UNC13C: variants seen among roughly 807,000 people sequenced by gnomAD.
The protein encoded by UNC13C is unc-13 homolog C.
In UNC13C, 174 loss-of-function variants were observed where a neutral mutation model predicts 245.4. That is an observed-to-expected ratio of 0.71 (90% CI 0.63 to 0.80). UNC13C has a LOEUF of 0.80. Ranked by LOEUF, UNC13C falls within the 30% of genes least tolerant of loss-of-function variation. The pLI is 0.00. For missense variants in UNC13C, 2,829 were observed against 2,602.9 expected (o/e 1.09, Z -1.89); for synonymous variants, 992 against 895.1 (o/e 1.11, Z -1.93).
At chr15:54,503,287 G>A (rs1244090680) in intron 22 of UNC13C, among the ~76,000 whole-genome samples, 1 of 152,082 alleles carries the variant, frequency 6.6e-6, no homozygotes, top group East Asian at 1.9e-4. Context: ...TTATTGGAAT[G>A]ATTTAAAAAT....
At chr15:54,217,756 A>G (rs1454334722) in intron 4 of UNC13C, among the ~76,000 whole-genome samples, 1 of 151,286 alleles carries the variant, frequency 6.6e-6, no homozygotes, top group Non-Finnish European at 1.5e-5. Flanking sequence ...AAAAATACTT[A>G]CTGGCCTAGG....
At chr15:54,560,277 ATG>A (rs1477555665) in intron 29 of UNC13C, among the ~76,000 whole-genome samples, 2 of 151,972 alleles carry the variant, frequency 1.3e-5, no homozygotes, top group Non-Finnish European at 2.9e-5. Flanking sequence ...AAACAATAGC[ATG>A]TTCCCATGAG....
At chr15:53,842,120 G>T in the UNC13C span, among the ~76,000 whole-genome samples, 1 of 152,110 alleles carries the variant, frequency 6.6e-6, no homozygotes, top group Non-Finnish European at 1.5e-5. Flanking sequence ...GACACTAAAA[G>T]TGCAGAATCT....
chr15:54,075,716 C>T (rs1898578626), intron 2 of UNC13C, among the ~76,000 whole-genome samples: 1 of 152,054 alleles, frequency 6.6e-6, no homozygotes, highest in Admixed American at 6.5e-5. Context: ...CTCAGTGTGG[C>T]CAACTGCATT....
intron 10 of UNC13C, among the ~76,000 whole-genome samples, chr15:54,282,003 C>G (rs892422875): frequency 6.6e-6 from 1 of 152,008 alleles, no homozygotes; most frequent in Non-Finnish European, 1.5e-5. Flanking sequence ...CAGGTGGTTT[C>G]TTTTTAATAA....
chr15:53,887,205 C>T, the UNC13C span, among the ~76,000 whole-genome samples: 1 of 152,050 alleles, frequency 6.6e-6, no homozygotes, highest in South Asian at 2.1e-4. Context: ...TGGAAACTGT[C>T]TGTACTATCT....
chr15:54,183,331 T>C (rs1194767822), intron 4 of UNC13C, among the ~76,000 whole-genome samples: 1 of 151,196 alleles, frequency 6.6e-6, no homozygotes, highest in Non-Finnish European at 1.5e-5. Context: ...CAATAACTAC[T>C]ACAGGGAAGC....
chr15:54,288,016 ACACAAAT>A (rs1444025234), intron 10 of UNC13C, among the ~76,000 whole-genome samples: 4 of 152,262 alleles, frequency 2.6e-5, no homozygotes, highest in Middle Eastern at 3.4e-3. Flanking sequence ...AGATCCTGGG[ACACAAAT>A]TAAACACTAT....
At chr15:54,283,205 A>G (rs150921141) in intron 10 of UNC13C, among the ~76,000 whole-genome samples, 1,643 of 152,272 alleles carry the variant, frequency 0.011, 22 homozygotes, top group African/African-American at 0.038. Context: ...ACACAACCCT[A>G]TCTGCCTAGG....
At chr15:54,475,868 C>G (rs1195455598) in intron 19 of UNC13C, among the ~76,000 whole-genome samples, 2 of 108,982 alleles carry the variant, frequency 1.8e-5, no homozygotes, top group African/African-American at 3.5e-5. Context: ...TTCTAGATCC[C>G]TGAGGAATCG....
chr15:54,299,722 A>G (rs74015144), intron 12 of UNC13C, among the ~76,000 whole-genome samples: 3,291 of 152,264 alleles, frequency 0.022, 144 homozygotes, highest in African/African-American at 0.076. Context: ...TATCATTTGC[A>G]TCAGGGAGTC....
At chr15:54,177,000 C>T (rs1030289066) in intron 4 of UNC13C, among the ~76,000 whole-genome samples, 4 of 151,926 alleles carry the variant, frequency 2.6e-5, no homozygotes, top group African/African-American at 9.7e-5. Context: ...ACTGGCAGAC[C>T]GCATATGTGA....
chr15:54,375,010 T>C (rs1329214083), intron 17 of UNC13C, among the ~76,000 whole-genome samples: 2 of 152,246 alleles, frequency 1.3e-5, no homozygotes, highest in African/African-American at 4.8e-5. Context: ...GAGATTTAGG[T>C]TATTTCCAGT....
intron 13 of UNC13C, among the ~76,000 whole-genome samples, chr15:54,305,156 A>G (rs1034252841): frequency 1.3e-5 from 2 of 152,078 alleles, no homozygotes; most frequent in Non-Finnish European, 2.9e-5. Flanking sequence ...AATTGAGGGA[A>G]TCAGAGGCAG....
intron 4 of UNC13C, among the ~76,000 whole-genome samples, chr15:54,207,240 C>T (rs758686005): frequency 1.3e-4 from 19 of 151,846 alleles, no homozygotes; most frequent in Non-Finnish European, 1.8e-4. Flanking sequence ...AGGTGGGATC[C>T]GGTGAGGGGT....
intron 2 of UNC13C, among the ~76,000 whole-genome samples, chr15:54,101,627 C>T (rs944035961): frequency 5.3e-5 from 8 of 151,870 alleles, no homozygotes; most frequent in South Asian, 4.2e-4. Flanking sequence ...ATTGCCCAGG[C>T]AGGAGTGCAG....
chr15:54,040,595 C>T (rs34833357), intron 2 of UNC13C, among the ~76,000 whole-genome samples: 11,494 of 152,216 alleles, frequency 0.076, 502 homozygotes, highest in Admixed American at 0.12. Flanking sequence ...CAACAACTCC[C>T]TAGCTGTCAT....
At chr15:54,389,247 A>C (rs2039903223) in intron 17 of UNC13C, among the ~76,000 whole-genome samples, 1 of 152,252 alleles carries the variant, frequency 6.6e-6, no homozygotes, top group African/African-American at 2.4e-5. Flanking sequence ...AATCCATTTA[A>C]GAAACTAATG....
intron 19 of UNC13C, among the ~76,000 whole-genome samples, chr15:54,467,769 A>C (rs1346628898): frequency 6.6e-6 from 1 of 151,728 alleles, no homozygotes; most frequent in Non-Finnish European, 1.5e-5. Context: ...AGGTTCACTC[A>C]TGTTGTCAAA....
Sources: allele counts gnomAD v4.1 joint callset (sites outside exome capture counted in the v4.1 genomes callset), GRCh38; gene constraint gnomAD v4.1.1; transcripts MANE v1.5; gene names NCBI Gene and HGNC (gene_info 2026-07-23, HGNC 2026-07-21).